ZBTB46: variants seen among roughly 807,000 people sequenced by gnomAD.
ZBTB46 encodes zinc finger and BTB domain-containing protein 46.
In ZBTB46, 8 loss-of-function variants were observed where a neutral mutation model predicts 44.1. The ratio of observed to expected loss-of-function variants is 0.18; its 90% CI spans 0.11 to 0.33. ZBTB46 has a LOEUF of 0.33. Among genes scored for constraint, ZBTB46 ranks in the 10% least tolerant of loss-of-function variants. ZBTB46 has a pLI of 1.00. For missense variants in ZBTB46, 651 were observed against 847.7 expected, an observed-to-expected ratio of 0.77 and a Z score of 2.88; for synonymous variants, 409 against 382.3, an observed-to-expected ratio of 1.07 and a Z score of -0.81.
At chr20:63,799,819 T>C (rs1398074925) in intron 1 of ZBTB46, among the ~76,000 whole-genome samples, 4 of 152,164 alleles carry the variant, frequency 2.6e-5, no homozygotes, top group East Asian at 3.8e-4. Flanking sequence ...GGCCACACCA[T>C]GTGTCCTCGA....
intron 3 of ZBTB46, among the ~76,000 whole-genome samples, chr20:63,757,856 C>T (rs2092235215): frequency 7.1e-6 from 1 of 139,888 alleles, no homozygotes; most frequent in Non-Finnish European, 1.6e-5. Flanking sequence ...ACACTCCCTC[C>T]ACCTGCCCAT....
chr20:63,815,542 GGT>G (rs2092745840), intron 1 of ZBTB46, among the ~76,000 whole-genome samples: 2 of 102,406 alleles, frequency 2.0e-5, no homozygotes, highest in Non-Finnish European at 3.9e-5. Flanking sequence ...AGGTCCAGTG[GGT>G]GCAGGTGCAG....
At chr20:63,764,227 A>G (rs938172663) in intron 3 of ZBTB46, among the ~76,000 whole-genome samples, 2 of 152,170 alleles carry the variant, frequency 1.3e-5, no homozygotes, top group African/African-American at 4.8e-5. Flanking sequence ...ACTTGAGGCC[A>G]GGGGTTCCAG....
At chr20:63,789,746 C>T (rs982226252) in intron 2 of ZBTB46, 75 bp downstream of exon 2, 7 of 1,532,980 alleles carry the variant, frequency 4.6e-6, no homozygotes, top group African/African-American at 4.1e-5. Flanking sequence ...TGCGTCACTG[C>T]CTCCGCACAG....
intron 1 of ZBTB46, among the ~76,000 whole-genome samples, chr20:63,829,469 A>G (rs1176248869): frequency 2.6e-5 from 4 of 152,266 alleles, no homozygotes; most frequent in Admixed American, 2.0e-4. Context: ...CCACGCCCCA[A>G]GGAGAAATCT....
chr20:63,826,715 A>G (rs905223913), intron 1 of ZBTB46, among the ~76,000 whole-genome samples: 1 of 152,142 alleles, frequency 6.6e-6, no homozygotes, highest in African/African-American at 2.4e-5. Flanking sequence ...ACAGAGCGAG[A>G]CTCCCTCTCA....
At chr20:63,802,145 G>A (rs1037877159) in intron 1 of ZBTB46, among the ~76,000 whole-genome samples, 8 of 152,076 alleles carry the variant, frequency 5.3e-5, no homozygotes, top group African/African-American at 1.9e-4. Context: ...CGCTGGGGCT[G>A]GACACGATGG....
rs950950278 is a variant in ZBTB46 at position 63,764,437 on chromosome 20, A to G, written c.1222+11241T>C. Among the ~76,000 whole-genome samples the G allele has an allele frequency of 5.0e-3, 709 of 143,144 alleles. 8 individuals are homozygous for G. Among genetic ancestry groups the G allele is most frequent in the African/African-American group, 0.018 (654 of 35,388 alleles). 93.9% of individuals were successfully genotyped at this position (143,144 alleles called of 152,430 possible). A position where few individuals can be genotyped will look rare whatever the true frequency, so the allele number is the denominator to read the frequency against. Reference sequence around the variant, plus strand: ...GGTGACTGAGCGAGGCCCTGTCTCAAAAAAAAAAAAAATTGTGATGAATAT... The same window carrying G: ...GGTGACTGAGCGAGGCCCTGTCTCAGAAAAAAAAAAAATTGTGATGAATAT... On this transcript the variant is annotated intron_variant, in intron 3 of 4. Coordinates refer to ENST00000245663, the MANE Select transcript of ZBTB46 (RefSeq NM_001369741.1).
intron 1 of ZBTB46, 98 bp from the exon 2 acceptor site, chr20:63,790,888 C>T (rs1029020407): frequency 2.5e-5 from 36 of 1,431,200 alleles, no homozygotes; most frequent in Non-Finnish European, 3.2e-5. Flanking sequence ...GCACAGAGTG[C>T]GGCCAGTGGG....
chr20:63,803,237 C>T lies in ZBTB46; in HGVS notation c.-33-12447G>A, dbSNP rs768871979. The T allele has an allele frequency of 3.8e-5, 35 of 927,100 alleles. No individual in the cohort carries two copies. Among genetic ancestry groups the T allele is most frequent in the Non-Finnish European group, 4.4e-5 (34 of 776,962 alleles). The allele number at this position is 927,100 out of a possible 1,614,324, so 57.4% of individuals were successfully genotyped here. On this transcript the variant is annotated intron_variant, in intron 1 of 4. Transcript: ENST00000245663. This position sits in a 1 kb window ranked among gnomAD's most constrained non-coding sequence, Gnocchi z 4.0. ...CAGGAACCAGGCACCTCCCCTCACA[C>T]CAAGGCGTTCATGGTTTACCTTCTT...
At chr20:63,770,900 C>T (rs1244499764) in intron 3 of ZBTB46, among the ~76,000 whole-genome samples, 1 of 151,456 alleles carries the variant, frequency 6.6e-6, no homozygotes, top group Admixed American at 6.6e-5. Context: ...AGGCCCAGCC[C>T]TGGAAATGCT....
rs2092060224 is a variant in ZBTB46, at chr20:63,743,868, C to T, written c.*3062G>A. On this transcript the variant is annotated 3_prime_UTR_variant, in exon 5 of 5. Transcript: ENST00000245663. ...ACCGAGCGATTACGAGAACCTCTTC[C>T]CCCAATAGTAGACACATCTCCAATA... The T allele has an allele frequency of 6.6e-6, 1 of 152,302 alleles. No individual in the cohort carries two copies. Among genetic ancestry groups the T allele is most frequent in the South Asian group, 2.1e-4 (1 of 4,812 alleles). 9.4% of individuals were successfully genotyped at this position (152,302 alleles called of 1,614,324 possible). A position where few individuals can be genotyped will look rare whatever the true frequency, so the allele number is the denominator to read the frequency against.
rs765370756 is a variant in ZBTB46, at chr20:63,746,099, G to A, written c.*831C>T. 1.3e-5 allele frequency: 2 copies of A among 152,814 alleles called. No individual in the cohort carries two copies. The highest frequency in any genetic ancestry group is 2.9e-5 in the Non-Finnish European group (2 of 68,144). 9.5% of individuals were successfully genotyped at this position (152,814 alleles called of 1,614,324 possible). A position where few individuals can be genotyped will look rare whatever the true frequency, so the allele number is the denominator to read the frequency against. On this transcript the variant is annotated 3_prime_UTR_variant, in exon 5 of 5. Coordinates refer to ENST00000245663, the MANE Select transcript of ZBTB46 (RefSeq NM_001369741.1). The stretch of plus-strand genomic sequence containing the variant: ...GCCCGTCCAGGAGGGGTCAGCAGGA[G>A]CGGCCGGGCTGGGCCATGGGCAGAA...
chr20:63,770,366 G>A (rs1399400041), intron 3 of ZBTB46, among the ~76,000 whole-genome samples: 2 of 112,068 alleles, frequency 1.8e-5, no homozygotes, highest in Non-Finnish European at 4.2e-5. Context: ...GAGGAGGCCC[G>A]CCTACTGCTG....
intron 3 of ZBTB46, among the ~76,000 whole-genome samples, chr20:63,757,257 G>A (rs1382892774): frequency 3.9e-5 from 6 of 152,074 alleles, no homozygotes; most frequent in Non-Finnish European, 8.8e-5. Flanking sequence ...CGAGTAGCTG[G>A]GATTACAGGC....
intron 1 of ZBTB46, among the ~76,000 whole-genome samples, chr20:63,797,394 G>T (rs756616287): frequency 1.3e-5 from 2 of 151,544 alleles, no homozygotes; most frequent in East Asian, 3.8e-4. Context: ...TCTTAATCTG[G>T]TCTATCATTG....
intron 2 of ZBTB46, among the ~76,000 whole-genome samples, chr20:63,777,046 ACC>A (rs2092431427): frequency 7.3e-6 from 1 of 137,886 alleles, no homozygotes; most frequent in Non-Finnish European, 1.6e-5. Flanking sequence ...CCACGGTTCC[ACC>A]ACACGCCACG....
At chr20:63,831,500 T>G (rs2092852281), upstream of ZBTB46, among the ~76,000 whole-genome samples, 1 of 144,810 alleles carries the variant, frequency 6.9e-6, no homozygotes, top group Non-Finnish European at 1.5e-5. Flanking sequence ...CGGGGGTCCG[T>G]TCTCCCCCCC....
intron 3 of ZBTB46, among the ~76,000 whole-genome samples, chr20:63,757,529 C>T (rs1287546063): frequency 1.3e-5 from 2 of 152,168 alleles, no homozygotes; most frequent in African/African-American, 4.8e-5. Context: ...TGGTGCCTCA[C>T]GGGCCCTGGC....
Sources: gnomAD v4.1 joint callset for allele counts (sites outside exome capture counted in the v4.1 genomes callset) on GRCh38, gnomAD v4.1.1 for gene constraint, Gnocchi (gnomAD v3.1) non-coding constraint, MANE v1.5 for transcripts, NCBI Gene and HGNC (gene_info 2026-07-23, HGNC 2026-07-21) for gene names.